The following FGF12 variants were observed in gnomAD, a reference collection of about 807,000 sequenced individuals.
FGF12 encodes fibroblast growth factor 12.
A neutral mutation model predicts 23.6 loss-of-function variants in FGF12; 14 were observed. The observed-to-expected ratio is 0.59, with a 90% CI of 0.39 to 0.93. The LOEUF (loss-of-function observed/expected upper bound fraction) is 0.93. FGF12 is among the 40% of genes least tolerant of loss of function. The probability of loss-of-function intolerance (pLI) is 0.00; values close to 1 mark genes in which losing one functional copy is unlikely to be tolerated. For missense variants in FGF12, 175 were observed against 217.8 expected, an observed-to-expected ratio of 0.80 and a Z score of 1.24; for synonymous variants, 62 against 77.3, an observed-to-expected ratio of 0.80 and a Z score of 1.04.
intron 4 of FGF12, among the ~76,000 whole-genome samples, chr3:192,202,685 C>G (rs1717434068): frequency 6.6e-6 from 1 of 152,084 alleles, no homozygotes; most frequent in African/African-American, 2.4e-5. Flanking sequence ...ATTATTCTCC[C>G]TATGTGAATT....
intron 5 of FGF12, among the ~76,000 whole-genome samples, chr3:192,160,970 T>TTAAG (rs1470570694): frequency 9.9e-5 from 15 of 152,214 alleles, no homozygotes; most frequent in East Asian, 5.8e-4. Flanking sequence ...GCTCCTTTAG[T>TTAAG]TAAGTGATAT....
At chr3:192,375,299 G>T (rs1576923605) in intron 2 of FGF12, among the ~76,000 whole-genome samples, 1 of 151,688 alleles carries the variant, frequency 6.6e-6, no homozygotes, top group East Asian at 1.9e-4. Flanking sequence ...GCATTTCTTT[G>T]CTTCATTATT....
intron 4 of FGF12, among the ~76,000 whole-genome samples, chr3:192,262,390 G>T (rs1712812828): frequency 6.6e-6 from 1 of 152,104 alleles, no homozygotes; most frequent in South Asian, 2.1e-4. Context: ...TTCTATATGA[G>T]TAGTTTTCAA....
chr3:192,457,544 C>A (rs1276202901), intron 2 of FGF12, among the ~76,000 whole-genome samples: 3 of 152,148 alleles, frequency 2.0e-5, no homozygotes, highest in Non-Finnish European at 4.4e-5. Context: ...TGCCCCCATC[C>A]TAGAAATTTG....
intron 2 of FGF12, among the ~76,000 whole-genome samples, chr3:192,363,296 C>T (rs1332796279): frequency 2.6e-5 from 4 of 151,022 alleles, no homozygotes; most frequent in Admixed American, 6.6e-5. Flanking sequence ...CCAGTTTAGT[C>T]GTTAAAGCCT....
chr3:192,603,901 C>T (rs920025139), intron 2 of FGF12, among the ~76,000 whole-genome samples: 3 of 152,074 alleles, frequency 2.0e-5, no homozygotes, highest in Non-Finnish European at 4.4e-5. Context: ...GATGGAGTTC[C>T]CCAATCCTAG....
chr3:192,245,533 G>T (rs184986192), intron 4 of FGF12, among the ~76,000 whole-genome samples: 4 of 152,292 alleles, frequency 2.6e-5, no homozygotes, highest in Admixed American at 1.3e-4. Context: ...AAGTAATTAT[G>T]CATTTGCATA....
intron 2 of FGF12, among the ~76,000 whole-genome samples, chr3:192,690,007 A>T (rs1717891589): frequency 6.6e-6 from 1 of 152,072 alleles, no homozygotes. Flanking sequence ...ATGTACTCAA[A>T]ATGTGGAAAG....
intron 5 of FGF12, among the ~76,000 whole-genome samples, chr3:192,164,495 T>C (rs543174132): frequency 2.0e-5 from 3 of 152,274 alleles, no homozygotes; most frequent in African/African-American, 7.2e-5. Context: ...GTTATCAGTG[T>C]AGGACTTAAC....
intron 2 of FGF12, among the ~76,000 whole-genome samples, chr3:192,416,946 C>G (rs1721376804): frequency 1.3e-5 from 2 of 152,004 alleles, no homozygotes; most frequent in Non-Finnish European, 2.9e-5. Context: ...TTTCTTTAAA[C>G]AGTATTTGCA....
At chr3:192,689,099 G>A (rs1029373074) in intron 2 of FGF12, among the ~76,000 whole-genome samples, 5 of 152,076 alleles carry the variant, frequency 3.3e-5, no homozygotes, top group Non-Finnish European at 5.9e-5. Context: ...GGATGTTGGC[G>A]ATAAAGTAAG....
intron 2 of FGF12, among the ~76,000 whole-genome samples, chr3:192,420,647 C>T (rs73064267): frequency 0.072 from 10,936 of 152,208 alleles, 1,187 homozygotes; most frequent in African/African-American, 0.23. Context: ...GTTCCCCCTT[C>T]GCCTTCTGCT....
chr3:192,497,765 A>C (rs889045712), intron 2 of FGF12, among the ~76,000 whole-genome samples: 2 of 152,134 alleles, frequency 1.3e-5, no homozygotes, highest in African/African-American at 2.4e-5. Flanking sequence ...AAACTGCTCT[A>C]TCCAAAGAGT....
chr3:192,506,881 C>T (rs1401333924), intron 2 of FGF12, among the ~76,000 whole-genome samples: 2 of 141,620 alleles, frequency 1.4e-5, no homozygotes, highest in Non-Finnish European at 3.0e-5. Context: ...CTAGTCATGG[C>T]CATTAACTCA....
intron 2 of FGF12, among the ~76,000 whole-genome samples, chr3:192,591,284 G>A (rs547926730): frequency 2.0e-5 from 3 of 150,976 alleles, no homozygotes; most frequent in Admixed American, 6.6e-5. Flanking sequence ...ATGACCAGTT[G>A]GAGCACTCTT....
At chr3:192,489,147 C>T (rs746832936) in intron 2 of FGF12, among the ~76,000 whole-genome samples, 1 of 151,972 alleles carries the variant, frequency 6.6e-6, no homozygotes, top group Non-Finnish European at 1.5e-5. Flanking sequence ...GCCAAAGTAA[C>T]TTTTAGACAT....
At chr3:192,240,869 T>C (rs1285068575) in intron 4 of FGF12, among the ~76,000 whole-genome samples, 3 of 152,186 alleles carry the variant, frequency 2.0e-5, no homozygotes, top group African/African-American at 7.2e-5. Context: ...TTGTATCTTA[T>C]TAAAGCAACT....
At chr3:192,511,253 A>ACACACACACACC (rs1211816814) in intron 2 of FGF12, among the ~76,000 whole-genome samples, 3 of 142,980 alleles carry the variant, frequency 2.1e-5, no homozygotes, top group African/African-American at 7.6e-5. Flanking sequence ...ACACACACAC[A>ACACACACACACC]CCTGCTACTA....
chr3:192,313,313 C>T (rs922656712), intron 4 of FGF12, among the ~76,000 whole-genome samples: 3 of 152,098 alleles, frequency 2.0e-5, no homozygotes, highest in South Asian at 2.1e-4. Context: ...TCATAGACAA[C>T]CTGCTGATCC....
Sources: allele counts gnomAD v4.1 joint callset (sites outside exome capture counted in the v4.1 genomes callset), GRCh38; gene constraint gnomAD v4.1.1; transcripts MANE v1.5; gene names NCBI Gene and HGNC (gene_info 2026-07-23, HGNC 2026-07-21).